MAP3K15: variants seen among roughly 807,000 people sequenced by gnomAD.
MAP3K15 encodes MAPK/ERK kinase kinase 15.
MAP3K15 carries 124 observed loss-of-function variants against 99.5 expected under a neutral mutation model. That is an observed-to-expected ratio of 1.25 (90% CI 1.08 to 1.45). MAP3K15 has a LOEUF of 1.45. MAP3K15 is among the 40% of genes most tolerant of loss of function. MAP3K15 has a pLI of 0.00. For missense variants in MAP3K15, 1,242 were observed against 1,079.7 expected (o/e 1.15, Z -2.11); for synonymous variants, 494 against 439.6 (o/e 1.12, Z -1.55).
At chrX:19,510,280 C>A (rs1216393574) in intron 1 of MAP3K15, among the ~76,000 whole-genome samples, 1 of 111,679 alleles carries the variant, frequency 9.0e-6, no homozygotes, top group African/African-American at 3.3e-5. Context: ...GGATGAACAT[C>A]GATGTGAAAA....
Position 19,369,779 on chromosome X carries a change from G to GC in MAP3K15, c.3401-561dup, listed in dbSNP as rs772678202. Among the ~76,000 whole-genome samples, 38 of 110,773 alleles carry GC rather than the reference G, an allele frequency of 3.4e-4. No individual in the cohort carries two copies. The East Asian group carries it at 1.0e-2, about 29-fold the overall frequency. The stretch of plus-strand genomic sequence containing the variant: ...AAAAAAATTAGCTGGGTGTGGTGGC[G>GC]CGCACCTGTAGCCCCAGCTACTCCG... On this transcript the variant is annotated intron_variant, in intron 24 of 28. Coordinates refer to ENST00000338883, the MANE Select transcript of MAP3K15 (RefSeq NM_001001671.4).
intron 6 of MAP3K15, among the ~76,000 whole-genome samples, chrX:19,440,327 T>C (rs906164838): frequency 4.5e-5 from 5 of 112,258 alleles, no homozygotes; most frequent in African/African-American, 1.6e-4. Context: ...GGTCTTTGTT[T>C]CCCGATTGGA....
chrX:19,505,150 G>C (rs5955564), intron 1 of MAP3K15, among the ~76,000 whole-genome samples: 33,562 of 103,229 alleles, frequency 0.33, 8,640 homozygotes, highest in African/African-American at 0.84. Flanking sequence ...CCACCCCCAC[G>C]CCAAGCCAGT....
At chrX:19,434,965 A>C (rs755284640) in intron 6 of MAP3K15, among the ~76,000 whole-genome samples, 1 of 111,992 alleles carries the variant, frequency 8.9e-6, no homozygotes, top group African/African-American at 3.2e-5. Flanking sequence ...TTTTTGTCAT[A>C]TAGAATCTAA....
chrX:19,391,476 G>A (rs1361423512), intron 18 of MAP3K15, among the ~76,000 whole-genome samples: 3 of 108,646 alleles, frequency 2.8e-5, no homozygotes, highest in Admixed American at 2.0e-4. Flanking sequence ...TCAGGAGTTC[G>A]AGACCAGCCT....
At chrX:19,469,108 A>G in intron 3 of MAP3K15, among the ~76,000 whole-genome samples, 1 of 111,601 alleles carries the variant, frequency 9.0e-6, no homozygotes, top group Non-Finnish European at 1.9e-5. Flanking sequence ...CCTAAGCCAA[A>G]AGAACAAAGC....
At chrX:19,509,254 A>G (rs1028740407) in intron 1 of MAP3K15, among the ~76,000 whole-genome samples, 1 of 111,841 alleles carries the variant, frequency 8.9e-6, no homozygotes, top group Non-Finnish European at 1.9e-5. Flanking sequence ...GACCTGATAG[A>G]TATCTACAGA....
intron 3 of MAP3K15, among the ~76,000 whole-genome samples, chrX:19,469,753 C>T (rs1164744155): frequency 1.8e-5 from 2 of 111,186 alleles, no homozygotes; most frequent in East Asian, 2.8e-4. Context: ...TATGAACAGA[C>T]ACTTCTCAAA....
At chrX:19,442,593 G>A (rs963188011) in intron 6 of MAP3K15, among the ~76,000 whole-genome samples, 107 of 104,635 alleles carry the variant, frequency 1.0e-3, no homozygotes, top group Non-Finnish European at 1.8e-3. Flanking sequence ...GTGCGATCTC[G>A]ACTCACTGCA....
At chrX:19,427,586 G>T (rs2063842434) in intron 7 of MAP3K15, among the ~76,000 whole-genome samples, 1 of 111,034 alleles carries the variant, frequency 9.0e-6, no homozygotes, top group Non-Finnish European at 1.9e-5. Context: ...GGTTAACAGT[G>T]ACATTTTCAC....
In MAP3K15 at chrX:19,467,640, G is replaced by A. The variant is rs1183594120; in HGVS notation, c.526-3234C>T. On this transcript the variant is annotated intron_variant, in intron 3 of 28. Transcript: ENST00000338883. ...AAATTAGCCAGGTGTGGTGGCAGGC[G>A]CCTGTAATCCCAGCTACTTGGGAGG... Among the ~76,000 whole-genome samples the A allele has an allele frequency of 6.6e-5, 7 of 106,325 alleles. No homozygotes were observed. In the East Asian group the frequency reaches 9.1e-4, roughly 14 times the overall value. The allele number at this position is 106,325 out of a possible 115,157, so 92.3% of individuals were successfully genotyped here.
intron 11 of MAP3K15, among the ~76,000 whole-genome samples, chrX:19,410,821 A>T (rs774878509): frequency 8.9e-6 from 1 of 111,806 alleles, no homozygotes; most frequent in Non-Finnish European, 1.9e-5. Flanking sequence ...CTGAAACTCC[A>T]GTTTTGGAAA....
intron 1 of MAP3K15, among the ~76,000 whole-genome samples, chrX:19,509,646 G>T (rs746655265): frequency 8.1e-5 from 9 of 111,701 alleles, no homozygotes; most frequent in Non-Finnish European, 1.7e-4. Context: ...AAGCAGGAAA[G>T]ATCTAAAATC....
chrX:19,438,044 A>T (rs1174209538), intron 6 of MAP3K15, among the ~76,000 whole-genome samples: 5 of 112,202 alleles, frequency 4.5e-5, no homozygotes, highest in Non-Finnish European at 9.4e-5. Flanking sequence ...GTTTAGAGGG[A>T]TAACTGCTTT....
chrX:19,463,831 G>C (rs1203952409), intron 4 of MAP3K15, among the ~76,000 whole-genome samples: 1 of 110,569 alleles, frequency 9.0e-6, no homozygotes, highest in Non-Finnish European at 1.9e-5. Context: ...AGCCCCAACA[G>C]CCACGCGAGT....
At chrX:19,464,953 G>A (rs1177487765) in intron 3 of MAP3K15, among the ~76,000 whole-genome samples, 4 of 110,917 alleles carry the variant, frequency 3.6e-5, no homozygotes, top group Admixed American at 1.9e-4. Context: ...GTGCAGTGGC[G>A]CGAACATGGC....
At chrX:19,507,135 C>G (rs1244125359) in intron 1 of MAP3K15, among the ~76,000 whole-genome samples, 2 of 111,758 alleles carry the variant, frequency 1.8e-5, no homozygotes, top group African/African-American at 6.5e-5. Context: ...ACTTACACAA[C>G]TAACCACCTA....
At position 19,360,146 on chromosome X, in the gene MAP3K15, C is replaced by CAA. The variant is rs2063263391; in HGVS notation, c.*601_*602dup. 1 of 154,964 alleles carries CAA rather than the reference C, an allele frequency of 6.5e-6. No individual in the cohort carries two copies. Among genetic ancestry groups the CAA allele is most frequent in the Non-Finnish European group, 1.2e-5 (1 of 80,501 alleles). The allele number at this position is 154,964 out of a possible 1,213,427, so 12.8% of individuals were successfully genotyped here. A position where few individuals can be genotyped will look rare whatever the true frequency, so the allele number is the denominator to read the frequency against. ...AATCATTCCAATTTTGTAATCATTT[C>CAA]AAAGGCCACATAACTTAGTTTTCTC... On this transcript the variant is annotated 3_prime_UTR_variant, in exon 29 of 29. Transcript: ENST00000338883.
intron 25 of MAP3K15, 129 bp downstream of exon 25, chrX:19,368,925 G>C: frequency 1.5e-6 from 1 of 675,892 alleles, no homozygotes; most frequent in Non-Finnish European, 2.0e-6. Flanking sequence ...CTAGTTCGTG[G>C]ATGATGAAGC....
Sources: allele counts gnomAD v4.1 joint callset (sites outside exome capture counted in the v4.1 genomes callset), GRCh38; gene constraint gnomAD v4.1.1; transcripts MANE v1.5; gene names NCBI Gene and HGNC (gene_info 2026-07-23, HGNC 2026-07-21).